VAC14: variants seen among roughly 807,000 people sequenced by gnomAD.
VAC14 encodes the protein VAC14 component of PIKFYVE complex.
A neutral mutation model predicts 85.3 loss-of-function variants in VAC14; 47 were observed. The observed-to-expected ratio is 0.55, with a 90% CI of 0.44 to 0.70. The LOEUF (loss-of-function observed/expected upper bound fraction) is 0.70, where lower values mean the gene tolerates loss of function less well. Ranked by LOEUF, VAC14 falls within the 30% of genes least tolerant of loss-of-function variation. The pLI, the probability that VAC14 is intolerant of heterozygous loss-of-function variation, is 0.00. For synonymous variants in VAC14, 447 were observed against 430.5 expected (o/e 1.04, Z -0.47); for missense variants, 861 against 1,004.3 (o/e 0.86, Z 1.93).
chr16:70,696,307 G>A (rs769451903), intron 16 of VAC14, among the ~76,000 whole-genome samples: 13 of 152,180 alleles, frequency 8.5e-5, no homozygotes, highest in Admixed American at 3.9e-4. Flanking sequence ...GAGGTCAGGA[G>A]TTTGAGACTA....
chr16:70,697,414 G>C (rs1014993037), intron 15 of VAC14, among the ~76,000 whole-genome samples, 157 bp from the exon 16 acceptor site: 1 of 152,338 alleles, frequency 6.6e-6, no homozygotes, highest in East Asian at 1.9e-4. Flanking sequence ...GGAACGAGCC[G>C]TCACAAAGGA....
chr16:70,689,610 T>G (rs1228087088), intron 18 of VAC14: 47 of 985,542 alleles, frequency 4.8e-5, no homozygotes, highest in African/African-American at 8.7e-5. Context: ...CCCGCCTCCC[T>G]GCTGAAGATG....
intron 10 of VAC14, chr16:70,766,580 G>A (rs955657355): frequency 1.5e-5 from 7 of 455,868 alleles, no homozygotes; most frequent in African/African-American, 4.0e-5. Context: ...TCAAGGTACG[G>A]ATGAGCAAGC....
chr16:70,786,090 G>A (rs1319909383), intron 2 of VAC14, 125 bp downstream of exon 2: 13 of 1,478,138 alleles, frequency 8.8e-6, no homozygotes, highest in Non-Finnish European at 1.1e-5. Flanking sequence ...CTCAGGTGCG[G>A]ACAGAGTGGT....
chr16:70,783,624 G>C, intron 5 of VAC14, 70 bp from the exon 6 acceptor site: 1 of 1,501,776 alleles, frequency 6.7e-7, no homozygotes, highest in Non-Finnish European at 9.2e-7. Context: ...CAAGCCTCTG[G>C]GACTGGGCTG....
intron 18 of VAC14, chr16:70,691,514 C>T (rs2053595111): frequency 1.0e-6 from 1 of 985,340 alleles, no homozygotes; most frequent in South Asian, 4.7e-5. Flanking sequence ...CAGGAACCCA[C>T]ACATGCGCCC....
chr16:70,750,496 G>A (rs1167684630), intron 12 of VAC14, among the ~76,000 whole-genome samples: 1 of 152,140 alleles, frequency 6.6e-6, no homozygotes, highest in Non-Finnish European at 1.5e-5. Context: ...GGAGTGGAGT[G>A]AGCTGGCCAT....
chr16:70,763,919 C>A (rs1260538656), intron 10 of VAC14, among the ~76,000 whole-genome samples: 1 of 152,182 alleles, frequency 6.6e-6, no homozygotes, highest in Non-Finnish European at 1.5e-5. Context: ...GTAGAAAAAC[C>A]TCGGGATATT....
chr16:70,725,297 G>GGGGC (rs2054395359), intron 14 of VAC14, among the ~76,000 whole-genome samples: 1 of 152,248 alleles, frequency 6.6e-6, no homozygotes, highest in Non-Finnish European at 1.5e-5. Flanking sequence ...GGGCTTGGGA[G>GGGGC]GGGCGCCAGT....
At chr16:70,702,089 C>T (rs528400073) in intron 14 of VAC14, among the ~76,000 whole-genome samples, 9 of 152,340 alleles carry the variant, frequency 5.9e-5, no homozygotes, top group East Asian at 1.9e-4. Context: ...CCGAACAGAA[C>T]GGTAGGTGCA....
chr16:70,782,048 C>G, intron 7 of VAC14, 45 bp from the exon 8 acceptor site: 1 of 1,599,674 alleles, frequency 6.3e-7, no homozygotes. Flanking sequence ...CACACGCAGC[C>G]CGAGTGCTCC....
intron 14 of VAC14, among the ~76,000 whole-genome samples, chr16:70,704,274 T>C (rs2053881528): frequency 6.6e-6 from 1 of 152,226 alleles, no homozygotes; most frequent in Admixed American, 6.5e-5. Flanking sequence ...TGGTCCAGGC[T>C]GGCAGGAGCC....
At chr16:70,776,839 G>T in intron 9 of VAC14, among the ~76,000 whole-genome samples, 1 of 148,850 alleles carries the variant, frequency 6.7e-6, no homozygotes, top group African/African-American at 2.5e-5. Flanking sequence ...TTGAGATGGA[G>T]TCTTGCTCTG....
chr16:70,766,196 C>T (rs560119264), intron 10 of VAC14, among the ~76,000 whole-genome samples: 8 of 151,552 alleles, frequency 5.3e-5, no homozygotes, highest in Non-Finnish European at 1.0e-4. Context: ...AGGCAGAGGA[C>T]ACGGGGGAAG....
chr16:70,688,223 C>T lies in VAC14; in HGVS notation c.2187-133G>A. The T allele has an allele frequency of 2.3e-6, 3 of 1,316,986 alleles. No homozygotes were observed. The South Asian group carries it at 7.9e-5, about 35-fold the overall frequency. 81.6% of individuals were successfully genotyped at this position (1,316,986 alleles called of 1,614,324 possible). ...CTGTGGGCGTCTGTCTCAGGCCTGG[C>T]AACTCTTCCGTCATGGCGGGCCCCA... On this transcript the variant is annotated intron_variant, in intron 18 of 18. Transcript: ENST00000261776.
At chr16:70,784,698 A>G (rs539271354) in intron 4 of VAC14, 78 bp downstream of exon 4, 4 of 1,334,090 alleles carry the variant, frequency 3.0e-6, no homozygotes, top group Admixed American at 1.7e-5. Context: ...AACATTCCCA[A>G]TGACAGAATT....
At chr16:70,760,192 G>A (rs977693369) in intron 12 of VAC14, among the ~76,000 whole-genome samples, 1 of 152,138 alleles carries the variant, frequency 6.6e-6, no homozygotes, top group Non-Finnish European at 1.5e-5. Context: ...CTGCCTGTCT[G>A]GCTGTGTTCC....
At chr16:70,730,005 G>C (rs747702094) in intron 14 of VAC14, among the ~76,000 whole-genome samples, 5 of 151,616 alleles carry the variant, frequency 3.3e-5, no homozygotes, top group Non-Finnish European at 4.4e-5. Flanking sequence ...ACTCTTCCGG[G>C]GCTCCCACCT....
chr16:70,724,452 G>A (rs1188996742), intron 14 of VAC14, among the ~76,000 whole-genome samples: 6 of 152,212 alleles, frequency 3.9e-5, no homozygotes, highest in African/African-American at 1.4e-4. Flanking sequence ...CAGGCTCTCT[G>A]GGCTCCCTGA....
Sources: gnomAD v4.1 joint callset for allele counts (sites outside exome capture counted in the v4.1 genomes callset) on GRCh38, gnomAD v4.1.1 for gene constraint, MANE v1.5 for transcripts, NCBI Gene and HGNC (gene_info 2026-07-23, HGNC 2026-07-21) for gene names.